Variants in VPS52 observed in about 807,000 individuals in gnomAD.
VPS52 encodes vacuolar protein sorting-associated protein 52 homolog.
In VPS52, 56 loss-of-function variants were observed where a neutral mutation model predicts 98.7. That is an observed-to-expected ratio of 0.57 (90% CI 0.46 to 0.71). The LOEUF (loss-of-function observed/expected upper bound fraction) is 0.71, where lower values mean the gene tolerates loss of function less well. Among genes scored for constraint, VPS52 ranks in the 30% least tolerant of loss-of-function variants. VPS52 has a pLI of 0.00. For missense variants in VPS52, 742 were observed against 925.9 expected (o/e 0.80, Z 2.58); for synonymous variants, 348 against 346.4 (o/e 1.00, Z -0.05).
chr6:33,257,493 G>A (rs1030555590), intron 17 of VPS52, among the ~76,000 whole-genome samples: 12 of 151,914 alleles, frequency 7.9e-5, no homozygotes, highest in Non-Finnish European at 1.6e-4. Context: ...CCACCTCCCT[G>A]GTTCAAGTGA....
At position 33,268,521 on chromosome 6, in the gene VPS52, A is replaced by T; in HGVS notation, c.677T>A (p.Val226Glu). The T allele has an allele frequency of 1.2e-6, 2 of 1,606,844 alleles. No individual in the cohort carries two copies. Among genetic ancestry groups the T allele is most frequent in the Non-Finnish European group, 1.7e-6 (2 of 1,175,832 alleles). ...GTAACADVRG[V>E]LDRLRVKAVT... Reference sequence around the variant, plus strand: ...CACCTTGACCCGGAGCCGATCGAGCACGCCTCTGACATCTGCGCAGGCTGC... The same window carrying T: ...CACCTTGACCCGGAGCCGATCGAGCTCGCCTCTGACATCTGCGCAGGCTGC... Residue 226 changes from valine (V) to glutamate (E), a missense_variant, in exon 7 of 20, where the codon GTG becomes GAG. By Grantham distance (121) the Val-to-Glu change is moderately radical (BLOSUM62 -2). Coordinates refer to ENST00000445902, the MANE Select transcript of VPS52 (RefSeq NM_022553.6). The surrounding 1 kb of genome is among the most constrained non-coding windows in gnomAD (Gnocchi z 4.0).
chr6:33,264,255 C>T (rs973707309), intron 14 of VPS52, 119 bp downstream of exon 14: 1 of 1,561,102 alleles, frequency 6.4e-7, no homozygotes, highest in Admixed American at 1.7e-5. Flanking sequence ...TTTCACCACC[C>T]TCCCAGAACA....
At chr6:33,256,922 A>C (rs527370184) in intron 17 of VPS52, among the ~76,000 whole-genome samples, 1 of 152,172 alleles carries the variant, frequency 6.6e-6, no homozygotes, top group South Asian at 2.1e-4. Context: ...TCCACATAAA[A>C]AAAAGAAATA....
Position 33,267,430 on chromosome 6 carries a change from C to T in VPS52, c.992-109G>A, listed in dbSNP as rs1438949721. On this transcript the variant is annotated intron_variant, in intron 10 of 19. Transcript: ENST00000445902. This position sits in a 1 kb window ranked among gnomAD's most constrained non-coding sequence, Gnocchi z 4.2. ...GACGTGGCCTAGCCAGCCCTCTTTC[C>T]CAGTACTAGGGCCCCACGTGCTGAC... 1.3e-6 allele frequency: 2 copies of T among 1,484,148 alleles called. No individual in the cohort carries two copies. Among genetic ancestry groups the T allele is most frequent in the Non-Finnish European group, 1.8e-6 (2 of 1,111,156 alleles). 91.9% of individuals were successfully genotyped at this position (1,484,148 alleles called of 1,614,324 possible).
intron 17 of VPS52, among the ~76,000 whole-genome samples, chr6:33,260,323 T>TAGAACTAC (rs1763476671): frequency 6.6e-6 from 1 of 151,796 alleles, no homozygotes; most frequent in African/African-American, 2.4e-5. Context: ...CCCAAATAGC[T>TAGAACTAC]AGAACTACAG....
intron 17 of VPS52, among the ~76,000 whole-genome samples, chr6:33,259,690 G>GC (rs1763407361): frequency 6.6e-6 from 1 of 151,606 alleles, no homozygotes; most frequent in African/African-American, 2.4e-5. Flanking sequence ...TAAAAATAAT[G>GC]CAAGGAATCC....
At chr6:33,261,466 GA>G (rs879444667) in intron 17 of VPS52, among the ~76,000 whole-genome samples, 134 of 133,280 alleles carry the variant, frequency 1.0e-3, no homozygotes, top group African/African-American at 1.8e-3. Flanking sequence ...GACTCCGTCT[GA>G]AAAAAAAAAA....
chr6:33,262,511 A>C (rs1763751159), intron 17 of VPS52, among the ~76,000 whole-genome samples: 1 of 152,248 alleles, frequency 6.6e-6, no homozygotes, highest in Non-Finnish European at 1.5e-5. Context: ...CAGCAATCCC[A>C]CTGCTGGGTA....
chr6:33,263,656 C>T, intron 16 of VPS52, 107 bp from the exon 17 acceptor site: 1 of 1,580,402 alleles, frequency 6.3e-7, no homozygotes, highest in South Asian at 1.1e-5. Flanking sequence ...CTGTGCCAGA[C>T]TCCAAGAGTA....
intron 14 of VPS52, 102 bp downstream of exon 14, chr6:33,264,272 C>T (rs1483551233): frequency 3.3e-5 from 52 of 1,573,398 alleles, no homozygotes; most frequent in Non-Finnish European, 4.5e-5. Context: ...AACACCTGCT[C>T]ATAGCGTGGC....
intron 17 of VPS52, among the ~76,000 whole-genome samples, chr6:33,261,172 A>G (rs942278352): frequency 6.6e-6 from 1 of 152,124 alleles, no homozygotes; most frequent in African/African-American, 2.4e-5. Context: ...ACACTGGGGA[A>G]AAGATAGTCT....
rs9280379 is a variant in VPS52 at position 33,252,588 on chromosome 6, C to CA, written c.1795-618dup. On this transcript the variant is annotated intron_variant, in intron 17 of 19. Transcript: ENST00000445902. The stretch of plus-strand genomic sequence containing the variant: ...TGGATGACAGAGCAAGACTCCGTCT[C>CA]AAAAAAAAAAAAAAAAAAAAAGGAT... 3.9e-3 allele frequency among the ~76,000 whole-genome samples: 374 copies of CA among 95,740 alleles called. 4 individuals are homozygous for CA. Among genetic ancestry groups the CA allele is most frequent in the South Asian group, 5.4e-3 (17 of 3,168 alleles). 62.8% of individuals were successfully genotyped at this position (95,740 alleles called of 152,430 possible).
intron 12 of VPS52, 99 bp downstream of exon 12, chr6:33,266,458 C>T (rs765087741): frequency 4.4e-5 from 62 of 1,409,594 alleles, no homozygotes; most frequent in Non-Finnish European, 5.6e-5. Context: ...TAGAATGAGG[C>T]GATCCTGATT....
intron 17 of VPS52, among the ~76,000 whole-genome samples, chr6:33,260,984 G>A (rs1763564787): frequency 6.6e-6 from 1 of 151,652 alleles, no homozygotes; most frequent in Non-Finnish European, 1.5e-5. Flanking sequence ...GGGAGTCAGA[G>A]TGAGACTCCG....
chr6:33,267,538 C>T lies in VPS52; in HGVS notation c.991+144G>A. On this transcript the variant is annotated intron_variant, in intron 10 of 19. Transcript: ENST00000445902. The surrounding 1 kb of genome is among the most constrained non-coding windows in gnomAD (Gnocchi z 4.2). The stretch of plus-strand genomic sequence containing the variant: ...GTGTCAAAATAATGTGTGCATCTTT[C>T]TGGGGAGGGAGGCTATAGCTTTCAT... 4.1e-6 allele frequency: 5 copies of T among 1,216,962 alleles called. No individual in the cohort carries two copies. Among genetic ancestry groups the T allele is most frequent in the Non-Finnish European group, 4.6e-6 (4 of 862,996 alleles). The allele number at this position is 1,216,962 out of a possible 1,614,324, so 75.4% of individuals were successfully genotyped here. A position where few individuals can be genotyped will look rare whatever the true frequency, so the allele number is the denominator to read the frequency against.
In VPS52 at chr6:33,250,569, G is replaced by C; in HGVS notation, c.*272C>G. The stretch of plus-strand genomic sequence containing the variant: ...TTGGGTGTATGGGAGCAGGAAAGGA[G>C]GGTGACAGACTGGAGAAATGATAAA... On this transcript the variant is annotated 3_prime_UTR_variant, in exon 20 of 20. Coordinates refer to ENST00000445902, the MANE Select transcript of VPS52 (RefSeq NM_022553.6). The C allele has an allele frequency of 4.3e-6, 2 of 466,226 alleles. No homozygotes were observed. Among genetic ancestry groups the C allele is most frequent in the Non-Finnish European group, 7.6e-6 (2 of 262,284 alleles). The allele number at this position is 466,226 out of a possible 1,614,324, so 28.9% of individuals were successfully genotyped here.
At chr6:33,255,459 T>G (rs375837410) in intron 17 of VPS52, among the ~76,000 whole-genome samples, 2,329 of 124,134 alleles carry the variant, frequency 0.019, 34 homozygotes, top group Admixed American at 0.033. Context: ...CCACTACGCC[T>G]GGCTTTTTTT....
chr6:33,261,370 G>A (rs977013209), intron 17 of VPS52, among the ~76,000 whole-genome samples: 6 of 151,882 alleles, frequency 4.0e-5, no homozygotes, highest in African/African-American at 9.7e-5. Flanking sequence ...AGGAGGCTGA[G>A]GCAGGAGAAT....
At chr6:33,258,852 A>G (rs530394459) in intron 17 of VPS52, among the ~76,000 whole-genome samples, 90 of 151,508 alleles carry the variant, frequency 5.9e-4, no homozygotes, top group Non-Finnish European at 1.2e-3. Flanking sequence ...ACAGGTGTAC[A>G]CCCTGCCCAG....
Sources: allele counts gnomAD v4.1 joint callset (sites outside exome capture counted in the v4.1 genomes callset), GRCh38; gene constraint gnomAD v4.1.1; non-coding constraint Gnocchi (gnomAD v3.1); transcripts MANE v1.5; gene names NCBI Gene and HGNC (gene_info 2026-07-23, HGNC 2026-07-21).